Variants in NPEPL1 observed in about 807,000 individuals in gnomAD.
The protein encoded by NPEPL1 is aminopeptidase like 1.
In NPEPL1, 45 loss-of-function variants were observed where a neutral mutation model predicts 52.4. The ratio of observed to expected loss-of-function variants is 0.86; its 90% confidence interval spans 0.68 to 1.10. NPEPL1 has a LOEUF of 1.10. Among genes scored for constraint, NPEPL1 ranks in the 50% least tolerant of loss-of-function variants. The pLI, the probability that NPEPL1 is intolerant of heterozygous loss-of-function variation, is 0.00. For missense variants in NPEPL1, 696 were observed against 710.9 expected, an observed-to-expected ratio of 0.98 and a Z score of 0.24; for synonymous variants, 360 against 314.7, an observed-to-expected ratio of 1.14 and a Z score of -1.52.
chr20:58,693,771 A>T lies in NPEPL1; in HGVS notation c.185A>T (p.Asn62Ile). The change falls in exon 2 of 12, where the codon AAC becomes ATC. Residue 62 changes from asparagine to isoleucine, a missense_variant. Coordinates refer to ENST00000356091, the MANE Select transcript of NPEPL1 (RefSeq NM_024663.4). ...GCTGCCCTGAGCACGCTCAACCCCAACCCCACGGACAGCTGTCCCCTCTAC... is the reference window on the plus strand; with the variant it reads ...GCTGCCCTGAGCACGCTCAACCCCATCCCCACGGACAGCTGTCCCCTCTAC... ...WQAALSTLNP[N>I]PTDSCPLYLN... 1.9e-6 allele frequency: 3 copies of T among 1,611,850 alleles called. No individual in the cohort carries two copies. Among genetic ancestry groups the T allele is most frequent in the East Asian group, 2.2e-5 (1 of 44,768 alleles).
upstream of NPEPL1, chr20:58,689,297 G>A (rs533059391): frequency 6.6e-6 from 1 of 152,116 alleles, no homozygotes; most frequent in Admixed American, 6.5e-5. Context: ...CAGAGTCTCT[G>A]TCCTGCAGAT....
At chr20:58,697,223 G>A (rs2123095298) in intron 3 of NPEPL1, among the ~76,000 whole-genome samples, 1 of 152,348 alleles carries the variant, frequency 6.6e-6, no homozygotes, top group East Asian at 1.9e-4. Flanking sequence ...GTGCAGCATG[G>A]CTGTGTGTTG....
intron 6 of NPEPL1, among the ~76,000 whole-genome samples, chr20:58,702,258 G>A (rs527800965): frequency 1.4e-3 from 218 of 152,316 alleles, no homozygotes; most frequent in African/African-American, 4.9e-3. Flanking sequence ...TTCTGTTCCC[G>A]CCTGGCAGCA....
At chr20:58,692,661 G>A (rs867143985), upstream of NPEPL1, 1 of 281,496 alleles carries the variant, frequency 3.6e-6, no homozygotes, top group Middle Eastern at 1.7e-3. The surrounding 1 kb of genome is among the most constrained non-coding windows in gnomAD (Gnocchi z 5.7). Flanking sequence ...CTCGGGGCCG[G>A]CTTCGGGCCT....
chr20:58,690,043 T>C (rs1249006891), upstream of NPEPL1, among the ~76,000 whole-genome samples: 1 of 152,196 alleles, frequency 6.6e-6, no homozygotes, highest in Non-Finnish European at 1.5e-5. Flanking sequence ...GCATTAGGTT[T>C]TATAGGGGTG....
rs765937608 is a variant in NPEPL1, at chr20:58,693,875, C to T, written c.289C>T (p.Arg97Trp). The T allele has an allele frequency of 6.2e-7, 1 of 1,613,056 alleles. No homozygotes were observed. Among genetic ancestry groups the T allele is most frequent in the Non-Finnish European group, 8.5e-7 (1 of 1,179,544 alleles). ...NSPSAAHFIT[R>W]LVRTCLPPGA... ...CCCCTCGGCCGCCCACTTCATCACG[C>T]GGCTGGTGCGGACCTGCCTGCCGCC... The change falls in exon 2 of 12, where the codon CGG (arginine) becomes TGG (tryptophan). Residue 97 changes from arginine to tryptophan, a missense_variant. Physicochemically the swap from Arg to Trp is moderately radical, Grantham distance 101. Transcript: ENST00000356091.
intron 7 of NPEPL1, among the ~76,000 whole-genome samples, chr20:58,707,715 T>TG (rs539320427): frequency 0.12 from 4,563 of 39,494 alleles, 87 homozygotes; most frequent in Middle Eastern, 0.3. Flanking sequence ...TCGGGGGGCG[T>TG]GGGGGGGGTG....
rs1420514023 is a variant in NPEPL1, at chr20:58,713,873, C to T, written c.1126-44C>T. ...CCTCTTTTGCCTTGGGTGTTTCTCT[C>T]CTGCCGTCCCGTCCACACGCTTCCC... On this transcript the variant is annotated intron_variant, in intron 9 of 11. Transcript: ENST00000356091. The surrounding 1 kb of genome is among the most constrained non-coding windows in gnomAD (Gnocchi z 4.6). The T allele has an allele frequency of 4.2e-6, 6 of 1,419,646 alleles. No homozygotes were observed. Among genetic ancestry groups the T allele is most frequent in the African/African-American group, 1.5e-5 (1 of 68,502 alleles). The allele number at this position is 1,419,646 out of a possible 1,614,324, so 87.9% of individuals were successfully genotyped here. A position where few individuals can be genotyped will look rare whatever the true frequency, so the allele number is the denominator to read the frequency against.
At chr20:58,701,324 GGGGT>G (rs2123110267) in intron 6 of NPEPL1, among the ~76,000 whole-genome samples, 166 bp downstream of exon 6, 3 of 130,894 alleles carry the variant, frequency 2.3e-5, no homozygotes, top group African/African-American at 5.8e-5. Context: ...GGGGTGGGGT[GGGGT>G]GGGGAGGGGA....
At chr20:58,711,130 T>TCCTCCCCCTCCTCCTCCC (rs1391551849) in intron 7 of NPEPL1, 2 of 67,928 alleles carry the variant, frequency 2.9e-5, no homozygotes, top group African/African-American at 1.9e-4. Flanking sequence ...CCTCTCCTCC[T>TCCTCCCCCTCCTCCTCCC]CCTCCCCACG....
At chr20:58,699,440 G>A (rs1213653565) in intron 5 of NPEPL1, among the ~76,000 whole-genome samples, 162 bp downstream of exon 5, 1 of 152,194 alleles carries the variant, frequency 6.6e-6, no homozygotes, top group Non-Finnish European at 1.5e-5. Context: ...CCGGACCCTG[G>A]GAAGCAGCCG....
chr20:58,703,443 A>AC, intron 6 of NPEPL1: 1 of 984,808 alleles, frequency 1.0e-6, no homozygotes, highest in Non-Finnish European at 1.2e-6. Context: ...TACTGCCTGC[A>AC]CCTGGTACTG....
chr20:58,701,209 T>C, intron 6 of NPEPL1, 51 bp downstream of exon 6: 2 of 1,013,974 alleles, frequency 2.0e-6, no homozygotes, highest in African/African-American at 2.8e-5. Flanking sequence ...GAGGGGAAGG[T>C]GAGGTGCAGG....
At chr20:58,708,311 C>A (rs1210354257) in intron 7 of NPEPL1, among the ~76,000 whole-genome samples, 1 of 152,224 alleles carries the variant, frequency 6.6e-6, no homozygotes, top group Non-Finnish European at 1.5e-5. Flanking sequence ...TCCCAGCTGG[C>A]CGTGCACATT....
chr20:58,706,917 C>T (rs1236602947), intron 6 of NPEPL1, among the ~76,000 whole-genome samples: 1 of 152,180 alleles, frequency 6.6e-6, no homozygotes, highest in Non-Finnish European at 1.5e-5. Context: ...CCATGACTCC[C>T]TGTTGCTTCT....
chr20:58,692,653 CG>C (rs1374629730), upstream of NPEPL1: 20 of 251,462 alleles, frequency 8.0e-5, no homozygotes, highest in Non-Finnish European at 1.2e-4. This position sits in a 1 kb window ranked among gnomAD's most constrained non-coding sequence, Gnocchi z 5.7. Context: ...AGGGCCTGCT[CG>C]GGGCCGGCTT....
intron 6 of NPEPL1, chr20:58,703,489 C>CG (rs11482288): frequency 0.1 from 99,929 of 984,862 alleles, 10,884 homozygotes; most frequent in African/African-American, 0.53. Flanking sequence ...TCAATACCCA[C>CG]GGTCACCCTG....
Position 58,713,283 on chromosome 20 carries a change from C to T in NPEPL1, c.1002-137C>T. 1.7e-6 allele frequency: 2 copies of T among 1,178,390 alleles called. No homozygotes were observed. Among genetic ancestry groups the T allele is most frequent in the Non-Finnish European group, 1.2e-6 (1 of 853,454 alleles). 73.0% of individuals were successfully genotyped at this position (1,178,390 alleles called of 1,614,324 possible). On this transcript the variant is annotated intron_variant, in intron 8 of 11. Transcript: ENST00000356091. This position sits in a 1 kb window ranked among gnomAD's most constrained non-coding sequence, Gnocchi z 4.6. ...AGGGACTGGGGGCATCCCGGCCTTCCCATTCAGGGAACGTGTTGGGGTTCG... is the reference window on the plus strand; with the variant it reads ...AGGGACTGGGGGCATCCCGGCCTTCTCATTCAGGGAACGTGTTGGGGTTCG...
rs571383890 is a variant in NPEPL1, at chr20:58,703,490, G to A, written c.822+2332G>A. 1,001 of 935,696 alleles carry A rather than the reference G, an allele frequency of 1.1e-3. 2 individuals carry two copies. The highest frequency in any genetic ancestry group is 1.1e-3 in the Non-Finnish European group (879 of 819,354). 58.0% of individuals were successfully genotyped at this position (935,696 alleles called of 1,614,324 possible). Reference sequence around the variant, plus strand: ...CCTCGCACGCACCCTCAATACCCACGGTCACCCTGGAAGCCGCTACATTCT... The same window carrying A: ...CCTCGCACGCACCCTCAATACCCACAGTCACCCTGGAAGCCGCTACATTCT... On this transcript the variant is annotated intron_variant, in intron 6 of 11. Transcript: ENST00000356091.
Sources: allele counts gnomAD v4.1 joint callset (sites outside exome capture counted in the v4.1 genomes callset), GRCh38; gene constraint gnomAD v4.1.1; non-coding constraint Gnocchi (gnomAD v3.1); transcripts MANE v1.5; gene names NCBI Gene and HGNC (gene_info 2026-07-23, HGNC 2026-07-21).